Variants in ZNF362 observed in about 807,000 individuals in gnomAD.
ZNF362 encodes zinc finger protein 362.
A neutral mutation model predicts 42.9 loss-of-function variants in ZNF362; 11 were observed. The observed-to-expected ratio is 0.26, with a 90% CI of 0.16 to 0.42. ZNF362 has a LOEUF of 0.42. Ranked by LOEUF, ZNF362 falls within the 20% of genes least tolerant of loss-of-function variation. The pLI is 1.00. For synonymous variants in ZNF362, 255 were observed against 257.3 expected (o/e 0.99, Z 0.09); for missense variants, 362 against 576.2 (o/e 0.63, Z 3.81).
At chr1:33,190,994 C>T in the ZNF362 span, among the ~76,000 whole-genome samples, 4 of 152,196 alleles carry the variant, frequency 2.6e-5, no homozygotes, top group African/African-American at 9.7e-5. Flanking sequence ...CACCAGTTTC[C>T]AACACTTTGG....
chr1:33,196,980 A>G, the ZNF362 span, among the ~76,000 whole-genome samples: 2 of 152,162 alleles, frequency 1.3e-5, no homozygotes, highest in African/African-American at 2.4e-5. Flanking sequence ...CCCACCCTCA[A>G]TGTGGGTGGG....
At chr1:33,282,054 T>G in intron 6 of ZNF362, 1 of 545,144 alleles carries the variant, frequency 1.8e-6, no homozygotes. Flanking sequence ...TCTCCCGCTT[T>G]TCCCTGTTTC....
At chr1:33,207,957 C>T in the ZNF362 span, among the ~76,000 whole-genome samples, 6 of 152,062 alleles carry the variant, frequency 3.9e-5, no homozygotes, top group South Asian at 2.1e-4. Context: ...TTAACTAGTC[C>T]TCATTTGTCT....
At chr1:33,239,524 A>C in the ZNF362 span, among the ~76,000 whole-genome samples, 1 of 152,194 alleles carries the variant, frequency 6.6e-6, no homozygotes, top group Non-Finnish European at 1.5e-5. Context: ...ATTGACTCAC[A>C]GTTCTGCATG....
the ZNF362 span, among the ~76,000 whole-genome samples, chr1:33,189,655 A>ATATATATATATATG: frequency 4.3e-5 from 1 of 23,332 alleles, no homozygotes; most frequent in African/African-American, 8.0e-5. Flanking sequence ...ATATATATAT[A>ATATATATATATATG]TATATATATA....
At chr1:33,243,146 ATGTTATGTTATGT>A in the ZNF362 span, among the ~76,000 whole-genome samples, 11 of 149,566 alleles carry the variant, frequency 7.4e-5, no homozygotes, top group Admixed American at 2.0e-4. Flanking sequence ...ATGTTATGTT[ATGTTATGTTATGT>A]TGTTATGTTA....
chr1:33,230,902 C>T, the ZNF362 span, among the ~76,000 whole-genome samples: 1 of 152,318 alleles, frequency 6.6e-6, no homozygotes, highest in East Asian at 1.9e-4. Flanking sequence ...ACTTTCATAA[C>T]CATACACATA....
At chr1:33,198,450 G>A in the ZNF362 span, among the ~76,000 whole-genome samples, 1 of 152,178 alleles carries the variant, frequency 6.6e-6, no homozygotes, top group African/African-American at 2.4e-5. Flanking sequence ...CAGATTGTTT[G>A]AGCTCAGGAG....
chr1:33,253,564 A>G (rs1645771400), upstream of ZNF362, among the ~76,000 whole-genome samples: 1 of 151,502 alleles, frequency 6.6e-6, no homozygotes, highest in South Asian at 2.1e-4. Context: ...TAGGGAGGAG[A>G]CTCGTGGGGC....
chr1:33,298,837 CA>C, intron 8 of ZNF362, 92 bp from the exon 9 acceptor site: 1 of 1,099,332 alleles, frequency 9.1e-7, no homozygotes, highest in Admixed American at 1.7e-5. Flanking sequence ...AACCGCCTAC[CA>C]AGAGCCCTCC....
At chr1:33,204,677 C>T in the ZNF362 span, among the ~76,000 whole-genome samples, 88 of 152,276 alleles carry the variant, frequency 5.8e-4, no homozygotes, top group African/African-American at 2.1e-3. Context: ...CAGTTTACAG[C>T]ATACTTCATG....
the ZNF362 span, among the ~76,000 whole-genome samples, chr1:33,201,505 A>G: frequency 1.3e-5 from 2 of 152,254 alleles, no homozygotes; most frequent in African/African-American, 4.8e-5. Flanking sequence ...AAAATCTGCA[A>G]GTATTTAGAA....
At chr1:33,205,074 T>C in the ZNF362 span, among the ~76,000 whole-genome samples, 1 of 152,148 alleles carries the variant, frequency 6.6e-6, no homozygotes, top group Non-Finnish European at 1.5e-5. Context: ...TGCTAAGATG[T>C]CAACTCTCTC....
chr1:33,293,960 C>G (rs565582007), intron 6 of ZNF362, among the ~76,000 whole-genome samples: 1 of 152,336 alleles, frequency 6.6e-6, no homozygotes, highest in Non-Finnish European at 1.5e-5. Flanking sequence ...TCCCGTCACT[C>G]ATGGTCTCCC....
At chr1:33,160,632 T>C in the ZNF362 span, among the ~76,000 whole-genome samples, 4 of 152,084 alleles carry the variant, frequency 2.6e-5, no homozygotes, top group South Asian at 8.3e-4. Flanking sequence ...CTCAAACACC[T>C]GACGTTAGGT....
the ZNF362 span, among the ~76,000 whole-genome samples, chr1:33,171,319 A>G: frequency 6.6e-6 from 1 of 152,218 alleles, no homozygotes; most frequent in Non-Finnish European, 1.5e-5. Context: ...TTTGAATTTC[A>G]CAGGCATCTT....
chr1:33,200,852 T>G, the ZNF362 span, among the ~76,000 whole-genome samples: 1 of 152,184 alleles, frequency 6.6e-6, no homozygotes, highest in African/African-American at 2.4e-5. Flanking sequence ...TTTAAAGAGA[T>G]AATCAGGTTA....
chr1:33,270,844 G>A (rs56257520), intron 2 of ZNF362, among the ~76,000 whole-genome samples: 8,337 of 152,182 alleles, frequency 0.055, 306 homozygotes, highest in African/African-American at 0.1. Flanking sequence ...TGGGGCCACA[G>A]GTCTGTATCT....
the ZNF362 span, chr1:33,181,506 A>G: frequency 6.8e-7 from 1 of 1,480,606 alleles, no homozygotes; most frequent in East Asian, 2.5e-5. This position sits in a 1 kb window ranked among gnomAD's most constrained non-coding sequence, Gnocchi z 6.5. Flanking sequence ...TGTCGGAGGC[A>G]GCACCGAGGG....
Sources: gnomAD v4.1 joint callset for allele counts (sites outside exome capture counted in the v4.1 genomes callset) on GRCh38, gnomAD v4.1.1 for gene constraint, Gnocchi (gnomAD v3.1) non-coding constraint, MANE v1.5 for transcripts, NCBI Gene and HGNC (gene_info 2026-07-23, HGNC 2026-07-21) for gene names.